CNTNAP2: variants seen among roughly 807,000 people sequenced by gnomAD.
CNTNAP2 encodes the protein contactin associated protein 2, also known as contactin-associated protein-like 2.
Under a neutral mutation model 155.2 loss-of-function variants are expected in CNTNAP2, and 98 were observed. That is an observed-to-expected ratio of 0.63 (90% CI 0.54 to 0.75). The LOEUF (loss-of-function observed/expected upper bound fraction) is 0.75. CNTNAP2 is among the 30% of genes least tolerant of loss of function. The probability of loss-of-function intolerance (pLI) is 0.00; values close to 1 mark genes in which losing one functional copy is unlikely to be tolerated. For synonymous variants in CNTNAP2, 651 were observed against 631.2 expected, an observed-to-expected ratio of 1.03 and a Z score of -0.47; for missense variants, 1,727 against 1,688.1, an observed-to-expected ratio of 1.02 and a Z score of -0.40.
intron 8 of CNTNAP2, among the ~76,000 whole-genome samples, chr7:147,145,050 C>G (rs1392721576): frequency 6.6e-6 from 1 of 152,182 alleles, no homozygotes. Flanking sequence ...TGACATTAGA[C>G]AAGTCAGAAT....
At chr7:147,728,666 G>T (rs914283297) in intron 13 of CNTNAP2, among the ~76,000 whole-genome samples, 1 of 152,000 alleles carries the variant, frequency 6.6e-6, no homozygotes, top group African/African-American at 2.4e-5. Context: ...CAATGTATGC[G>T]ATAATAATAT....
chr7:147,736,155 G>A (rs1371557353), intron 13 of CNTNAP2, among the ~76,000 whole-genome samples: 1 of 151,934 alleles, frequency 6.6e-6, no homozygotes, highest in Non-Finnish European at 1.5e-5. Context: ...TTCAGTGGCT[G>A]TTACTGGTTG....
intron 1 of CNTNAP2, among the ~76,000 whole-genome samples, chr7:146,473,955 G>A (rs1438556368): frequency 6.6e-6 from 1 of 152,130 alleles, no homozygotes; most frequent in African/African-American, 2.4e-5. Flanking sequence ...TTTATTTTTA[G>A]TAAGAGCCAT....
chr7:146,452,471 G>A (rs894426195), intron 1 of CNTNAP2, among the ~76,000 whole-genome samples: 1 of 152,090 alleles, frequency 6.6e-6, no homozygotes, highest in African/African-American at 2.4e-5. Context: ...TGTACATTGA[G>A]GTACGGTATA....
At chr7:146,995,325 G>T (rs1798286802) in intron 3 of CNTNAP2, among the ~76,000 whole-genome samples, 1 of 152,022 alleles carries the variant, frequency 6.6e-6, no homozygotes, top group South Asian at 2.1e-4. Flanking sequence ...TCAACATAAT[G>T]ACTTTATTTC....
chr7:146,227,257 C>G (rs1241042569), intron 1 of CNTNAP2, among the ~76,000 whole-genome samples: 1 of 151,608 alleles, frequency 6.6e-6, no homozygotes, highest in East Asian at 1.9e-4. Context: ...AAAACCCTGT[C>G]TCTACTAAAA....
intron 1 of CNTNAP2, among the ~76,000 whole-genome samples, chr7:146,738,103 T>A (rs1353383336): frequency 6.6e-6 from 1 of 152,086 alleles, no homozygotes; most frequent in African/African-American, 2.4e-5. Context: ...ATCCTGTTTT[T>A]CACAATTGTA....
At chr7:147,855,147 G>A (rs1262968119) in intron 13 of CNTNAP2, among the ~76,000 whole-genome samples, 2 of 152,034 alleles carry the variant, frequency 1.3e-5, no homozygotes, top group Non-Finnish European at 2.9e-5. Context: ...CTCTACTAGA[G>A]TGTGATGTAG....
chr7:147,648,390 A>C (rs1284972557), intron 13 of CNTNAP2, among the ~76,000 whole-genome samples: 1 of 152,218 alleles, frequency 6.6e-6, no homozygotes, highest in Non-Finnish European at 1.5e-5. Context: ...AAAGTTACGC[A>C]AAGTAGATTT....
intron 10 of CNTNAP2, among the ~76,000 whole-genome samples, chr7:147,464,453 T>G (rs1798078925): frequency 8.4e-6 from 1 of 119,120 alleles, no homozygotes; most frequent in Non-Finnish European, 1.6e-5. Context: ...GGTGACAGAG[T>G]GAGACTCCAT....
At chr7:146,877,130 C>A (rs1795444647) in intron 3 of CNTNAP2, among the ~76,000 whole-genome samples, 1 of 151,850 alleles carries the variant, frequency 6.6e-6, no homozygotes, top group South Asian at 2.1e-4. Context: ...CAAGAAATAA[C>A]AAAAGCATTG....
intron 1 of CNTNAP2, among the ~76,000 whole-genome samples, chr7:146,618,006 C>G (rs1048567646): frequency 1.3e-5 from 2 of 151,686 alleles, no homozygotes; most frequent in Non-Finnish European, 2.9e-5. Flanking sequence ...CTTGTATAAT[C>G]CTTAGGGTTA....
At chr7:148,361,523 G>A (rs993847678) in intron 21 of CNTNAP2, among the ~76,000 whole-genome samples, 10 of 152,116 alleles carry the variant, frequency 6.6e-5, no homozygotes, top group South Asian at 2.1e-4. Context: ...GCTTCTGATC[G>A]TTACTGGAAG....
intron 1 of CNTNAP2, among the ~76,000 whole-genome samples, chr7:146,391,059 C>CT (rs1398545637): frequency 1.4e-5 from 2 of 147,572 alleles, no homozygotes; most frequent in African/African-American, 2.5e-5. Context: ...TAGTGAGACT[C>CT]TGTCTAAAAA....
chr7:146,408,555 T>C (rs1195259694), intron 1 of CNTNAP2, among the ~76,000 whole-genome samples: 1 of 138,042 alleles, frequency 7.2e-6, no homozygotes, highest in African/African-American at 2.7e-5. Context: ...TTCTCACTCA[T>C]AGGTGGCAAT....
At chr7:148,236,112 G>A (rs1051961582) in intron 20 of CNTNAP2, among the ~76,000 whole-genome samples, 6 of 152,124 alleles carry the variant, frequency 3.9e-5, no homozygotes, top group East Asian at 3.9e-4. Flanking sequence ...AAAACCCAAG[G>A]TGGCTTCTGA....
chr7:147,062,160 A>C (rs1205366073), intron 4 of CNTNAP2, among the ~76,000 whole-genome samples: 15 of 132,802 alleles, frequency 1.1e-4, no homozygotes, highest in South Asian at 7.1e-4. Flanking sequence ...AAAAAAAAAA[A>C]AAAAAAAAAA....
intron 13 of CNTNAP2, among the ~76,000 whole-genome samples, chr7:147,772,456 A>G (rs1325130956): frequency 2.1e-4 from 15 of 71,560 alleles, no homozygotes; most frequent in African/African-American, 7.4e-4. Flanking sequence ...CTATATATAT[A>G]TATATATATA....
intron 8 of CNTNAP2, among the ~76,000 whole-genome samples, chr7:147,144,435 G>T (rs1378535538): frequency 6.6e-6 from 1 of 152,120 alleles, no homozygotes; most frequent in African/African-American, 2.4e-5. Flanking sequence ...ACAGAATAGA[G>T]CTAACACATT....
Sources: allele counts gnomAD v4.1 joint callset (sites outside exome capture counted in the v4.1 genomes callset), GRCh38; gene constraint gnomAD v4.1.1; transcripts MANE v1.5; gene names NCBI Gene and HGNC (gene_info 2026-07-23, HGNC 2026-07-21).